Variants in DPP8 observed in about 807,000 individuals in gnomAD.
DPP8 encodes the protein dipeptidyl peptidase 8.
Under a neutral mutation model 107.5 loss-of-function variants are expected in DPP8, and 31 were observed. The observed-to-expected ratio is 0.29, with a 90% confidence interval of 0.22 to 0.39. DPP8 has a LOEUF of 0.39. Ranked by LOEUF, DPP8 falls within the 10% of genes least tolerant of loss-of-function variation. The pLI is 1.00. For synonymous variants in DPP8, 381 were observed against 356.6 expected, an observed-to-expected ratio of 1.07 and a Z score of -0.77; for missense variants, 842 against 1,076.1, an observed-to-expected ratio of 0.78 and a Z score of 3.04.
chr15:65,483,306 C>G (rs561028316), intron 8 of DPP8, among the ~76,000 whole-genome samples: 1 of 151,952 alleles, frequency 6.6e-6, no homozygotes, highest in African/African-American at 2.4e-5. Context: ...GAGAGGATCA[C>G]TTGGGCCCAG....
chr15:65,499,101 G>GTATA (rs1469760782), intron 4 of DPP8, among the ~76,000 whole-genome samples: 3 of 139,004 alleles, frequency 2.2e-5, no homozygotes, highest in African/African-American at 8.3e-5. Context: ...GTGTGTGTGT[G>GTATA]TGTGTATATA....
chr15:65,511,790 T>C (rs969715401), intron 2 of DPP8, among the ~76,000 whole-genome samples: 1 of 151,968 alleles, frequency 6.6e-6, no homozygotes, highest in African/African-American at 2.4e-5. Context: ...AAAATTTATA[T>C]TGGAAATATT....
chr15:65,480,444 A>G (rs1160051649), intron 9 of DPP8, 45 bp from the exon 10 acceptor site: 4 of 1,483,812 alleles, frequency 2.7e-6, no homozygotes, highest in African/African-American at 1.4e-5. Context: ...AAAGCAAGCT[A>G]TCAGAAAAAG....
chr15:65,463,508 C>G (rs965082063), intron 15 of DPP8, among the ~76,000 whole-genome samples: 4 of 151,262 alleles, frequency 2.6e-5, no homozygotes, highest in Non-Finnish European at 5.9e-5. Context: ...CGCCATTGTA[C>G]TTCAGCCTGG....
chr15:65,449,420 C>CT (rs1209816174), intron 19 of DPP8, among the ~76,000 whole-genome samples: 2 of 150,768 alleles, frequency 1.3e-5, no homozygotes, highest in Non-Finnish European at 3.0e-5. Context: ...CTCCCATTTC[C>CT]TTTTTTTTAA....
intron 4 of DPP8, among the ~76,000 whole-genome samples, chr15:65,499,061 CA>C (rs927487377): frequency 8.7e-6 from 1 of 115,592 alleles, no homozygotes; most frequent in Non-Finnish European, 1.7e-5. Flanking sequence ...GTCTCCCCCC[CA>C]AAAAAAAAGT....
At chr15:65,475,955 G>A (rs2140651095) in intron 11 of DPP8, among the ~76,000 whole-genome samples, 1 of 152,146 alleles carries the variant, frequency 6.6e-6, no homozygotes, top group Admixed American at 6.6e-5. Flanking sequence ...GTTTTGCCAT[G>A]TTGCCTAGGC....
intron 8 of DPP8, 22 bp from the exon 9 acceptor site, chr15:65,481,637 G>A (rs148460984): frequency 2.4e-6 from 3 of 1,232,076 alleles, no homozygotes; most frequent in Non-Finnish European, 3.4e-6. Context: ...GAAAAAAAAA[G>A]AATCTAGTTA....
chr15:65,479,126 T>C (rs536164236), intron 10 of DPP8, 87 bp from the exon 11 acceptor site: 27 of 890,548 alleles, frequency 3.0e-5, no homozygotes, highest in East Asian at 6.4e-5. Flanking sequence ...TCTTGATAAA[T>C]ATACTTTGAA....
chr15:65,492,984 G>T (rs1232786519), intron 5 of DPP8, among the ~76,000 whole-genome samples: 1 of 152,142 alleles, frequency 6.6e-6, no homozygotes, highest in Non-Finnish European at 1.5e-5. Context: ...GCAAACCAAT[G>T]ATTTTTTTAT....
chr15:65,448,516 C>G (rs2140301361), intron 19 of DPP8, among the ~76,000 whole-genome samples: 2 of 150,678 alleles, frequency 1.3e-5, no homozygotes, highest in South Asian at 4.2e-4. Flanking sequence ...ACTAAAAATA[C>G]AAAAAATTAG....
intron 3 of DPP8, among the ~76,000 whole-genome samples, chr15:65,506,582 C>A (rs2070030187): frequency 6.6e-6 from 1 of 150,740 alleles, no homozygotes; most frequent in Non-Finnish European, 1.5e-5. Flanking sequence ...CATAGCAAGA[C>A]CCCATCTTAT....
intron 11 of DPP8, chr15:65,475,484 A>G (rs1284913738): frequency 3.9e-5 from 59 of 1,517,932 alleles, no homozygotes; most frequent in Non-Finnish European, 5.3e-5. Flanking sequence ...TCCCTGTCTC[A>G]CTCCCACATA....
chr15:65,478,588 T>A (rs934250891), intron 11 of DPP8, among the ~76,000 whole-genome samples: 2 of 152,188 alleles, frequency 1.3e-5, no homozygotes, highest in African/African-American at 4.8e-5. Flanking sequence ...ATGGGCTCAC[T>A]TTAAACAAAT....
At chr15:65,470,594 G>A (rs1417593153) in intron 12 of DPP8, among the ~76,000 whole-genome samples, 1 of 122,648 alleles carries the variant, frequency 8.2e-6, no homozygotes, top group African/African-American at 3.5e-5. Flanking sequence ...GGACAAGAAT[G>A]AGACTTGTCT....
chr15:65,479,431 C>T lies in DPP8; in HGVS notation c.1297-392G>A, dbSNP rs1269966937. Reference sequence around the variant, plus strand: ...ATTTTTCTAATAGTTCAGGGGAAAACAGGTGTTCATAGGTGAATCATATGA... The same window carrying T: ...ATTTTTCTAATAGTTCAGGGGAAAATAGGTGTTCATAGGTGAATCATATGA... On this transcript the variant is annotated intron_variant, in intron 10 of 19. Transcript: ENST00000300141. Among the ~76,000 whole-genome samples the T allele has an allele frequency of 4.9e-4, 75 of 152,144 alleles. 1 individual carries two copies. The highest frequency in any genetic ancestry group is 4.8e-3 in the Admixed American group (74 of 15,268).
chr15:65,464,023 C>A, intron 14 of DPP8, 117 bp from the exon 15 acceptor site: 1 of 697,516 alleles, frequency 1.4e-6, no homozygotes, highest in South Asian at 2.2e-5. Flanking sequence ...GACCACCCCT[C>A]TTTCAGATGA....
chr15:65,504,139 G>C (rs1186076877), intron 3 of DPP8, among the ~76,000 whole-genome samples: 1 of 151,116 alleles, frequency 6.6e-6, no homozygotes, highest in Non-Finnish European at 1.5e-5. Context: ...GAGGTGGGAG[G>C]ATCACCTGAG....
At chr15:65,495,675 T>C (rs1216087011) in intron 5 of DPP8, among the ~76,000 whole-genome samples, 1 of 150,904 alleles carries the variant, frequency 6.6e-6, no homozygotes, top group African/African-American at 2.4e-5. Context: ...CCGAGGTGGG[T>C]GTATCACGAG....
Sources: allele counts gnomAD v4.1 joint callset (sites outside exome capture counted in the v4.1 genomes callset), GRCh38; gene constraint gnomAD v4.1.1; transcripts MANE v1.5; gene names NCBI Gene and HGNC (gene_info 2026-07-23, HGNC 2026-07-21).